The following TBC1D9 variants were observed in gnomAD, a reference collection of about 807,000 sequenced individuals.
The protein encoded by TBC1D9 is TBC1 domain family member 9A.
TBC1D9 carries 63 observed loss-of-function variants against 132.0 expected under a neutral mutation model. The observed-to-expected ratio is 0.48, with a 90% CI of 0.39 to 0.59. The LOEUF is 0.59. Ranked by LOEUF, TBC1D9 falls within the 20% of genes least tolerant of loss-of-function variation. TBC1D9 has a pLI of 0.00. For synonymous variants in TBC1D9, 610 were observed against 609.9 expected, an observed-to-expected ratio of 1.00 and a Z score of 0.00; for missense variants, 1,261 against 1,592.7, an observed-to-expected ratio of 0.79 and a Z score of 3.54.
intron 1 of TBC1D9, among the ~76,000 whole-genome samples, chr4:140,754,287 A>G (rs1396319182): frequency 6.6e-6 from 1 of 152,164 alleles, no homozygotes; most frequent in African/African-American, 2.4e-5. Flanking sequence ...TACTACAATA[A>G]ATTATCTACT....
chr4:140,629,086 G>A (rs1041088412), intron 16 of TBC1D9, among the ~76,000 whole-genome samples: 2 of 152,166 alleles, frequency 1.3e-5, no homozygotes, highest in African/African-American at 4.8e-5. Context: ...GGGACCTTAC[G>A]GGTTATCTTG....
intron 1 of TBC1D9, among the ~76,000 whole-genome samples, chr4:140,737,435 CTTCTCTCT>C (rs1364741066): frequency 1.3e-5 from 1 of 75,006 alleles, no homozygotes; most frequent in African/African-American, 6.5e-5. Flanking sequence ...TGCACCCTCC[CTTCTCTCT>C]CTCTCTCTCT....
Position 140,669,699 on chromosome 4 carries a change from T to C in TBC1D9, c.1372A>G (p.Thr458Ala). ...ATGGTCATCAGGGTCTGTGTGGCTG[T>C]GGGGACGCTGTTGCCATTTAGGTTA... ...QFNLNGNSVP[T>A]ATQTLMTMYR... Residue 458 changes from threonine to alanine, a missense_variant, in exon 8 of 21, where the codon ACA (threonine) becomes GCA (alanine). Physicochemically the swap from Thr to Ala is moderately conservative, Grantham distance 58. Transcript: ENST00000442267. 1 of 1,613,976 alleles carries C rather than the reference T, an allele frequency of 6.2e-7. No homozygotes were observed.
intron 2 of TBC1D9, among the ~76,000 whole-genome samples, chr4:140,687,760 T>C (rs1214329163): frequency 1.3e-5 from 2 of 152,032 alleles, no homozygotes; most frequent in Non-Finnish European, 2.9e-5. Context: ...AACATCAAAC[T>C]TGCCTACAAG....
At chr4:140,755,828 C>A (rs1739002990) in intron 1 of TBC1D9, 88 bp downstream of exon 1, 1 of 1,359,296 alleles carries the variant, frequency 7.4e-7, no homozygotes. Context: ...GGGGACCGGG[C>A]GGCGTCTCCC....
rs571400311 is a variant in TBC1D9, at chr4:140,644,144, G to A, written c.2338-4716C>T. Reference sequence around the variant, plus strand: ...CCACTGTGGGCTGCCCCAGGAAAGGGTAGGGCCTCCCGTAGTGTGGTGGCA... The same window carrying A: ...CCACTGTGGGCTGCCCCAGGAAAGGATAGGGCCTCCCGTAGTGTGGTGGCA... On this transcript the variant is annotated intron_variant, in intron 13 of 20. Transcript: ENST00000442267. 4.3e-4 allele frequency: 164 copies of A among 377,406 alleles called. 1 individual carries two copies. The highest frequency in any genetic ancestry group is 3.3e-3 in the African/African-American group (157 of 48,106). 23.4% of individuals were successfully genotyped at this position (377,406 alleles called of 1,614,324 possible).
At chr4:140,703,929 A>C (rs2111041664) in intron 1 of TBC1D9, among the ~76,000 whole-genome samples, 1 of 152,354 alleles carries the variant, frequency 6.6e-6, no homozygotes, top group Non-Finnish European at 1.5e-5. Context: ...CTTTTCACTT[A>C]TCTACAGATG....
intron 2 of TBC1D9, among the ~76,000 whole-genome samples, chr4:140,696,944 T>C (rs535366914): frequency 1.1e-4 from 17 of 152,298 alleles, no homozygotes; most frequent in African/African-American, 3.6e-4. Flanking sequence ...TTGTAGTTTA[T>C]GAAAAATAAC....
chr4:140,686,498 C>T, intron 2 of TBC1D9, 36 bp from the exon 3 acceptor site: 2 of 1,329,110 alleles, frequency 1.5e-6, no homozygotes, highest in Non-Finnish European at 2.1e-6. Flanking sequence ...TGTCAGATTT[C>T]ATGCCAAAGA....
At chr4:140,709,248 T>TCTCTCACACACACACACACA (rs1382500714) in intron 1 of TBC1D9, among the ~76,000 whole-genome samples, 1 of 104,148 alleles carries the variant, frequency 9.6e-6, no homozygotes, top group African/African-American at 4.4e-5. Flanking sequence ...TCTCTCTCTC[T>TCTCTCACACACACACACACA]CACACACACA....
intron 16 of TBC1D9, 74 bp downstream of exon 16, chr4:140,633,874 G>A: frequency 6.4e-7 from 1 of 1,558,528 alleles, no homozygotes; most frequent in Non-Finnish European, 8.7e-7. Flanking sequence ...CTGTAGCCCT[G>A]AGGGCAGCAT....
In TBC1D9 at chr4:140,678,848, C is replaced by G. The variant is rs578133038; in HGVS notation, c.851+94G>C. The G allele has an allele frequency of 3.3e-3, 4,787 of 1,434,620 alleles. 9 individuals are homozygous for G. The highest frequency in any genetic ancestry group is 4.1e-3 in the Non-Finnish European group (4,329 of 1,052,190). The allele number at this position is 1,434,620 out of a possible 1,614,324, so 88.9% of individuals were successfully genotyped here. A position where few individuals can be genotyped will look rare whatever the true frequency, so the allele number is the denominator to read the frequency against. On this transcript the variant is annotated intron_variant, in intron 5 of 20. Coordinates refer to ENST00000442267, the MANE Select transcript of TBC1D9 (RefSeq NM_015130.3). Reference sequence around the variant, plus strand: ...CTATACACAGAAGAGTGTTCAGAACCCTTGAAGATCGTCAGAGAAGGTTAC... The same window carrying G: ...CTATACACAGAAGAGTGTTCAGAACGCTTGAAGATCGTCAGAGAAGGTTAC...
At chr4:140,693,542 G>A (rs1013343119) in intron 2 of TBC1D9, among the ~76,000 whole-genome samples, 3 of 152,110 alleles carry the variant, frequency 2.0e-5, no homozygotes, top group Non-Finnish European at 4.4e-5. Flanking sequence ...TAACACACTG[G>A]TTTGTGCTAG....
intron 1 of TBC1D9, among the ~76,000 whole-genome samples, chr4:140,717,382 C>T (rs1222775866): frequency 6.6e-6 from 1 of 152,120 alleles, no homozygotes; most frequent in African/African-American, 2.4e-5. Flanking sequence ...TTCTTCTAAC[C>T]GTAGAGGCCT....
chr4:140,747,268 C>T (rs980362933), intron 1 of TBC1D9, among the ~76,000 whole-genome samples: 1 of 151,786 alleles, frequency 6.6e-6, no homozygotes, highest in Non-Finnish European at 1.5e-5. Context: ...AGGAGAATCG[C>T]TTGAACTCAG....
At chr4:140,703,640 T>A (rs1330288648) in intron 1 of TBC1D9, among the ~76,000 whole-genome samples, 1 of 152,152 alleles carries the variant, frequency 6.6e-6, no homozygotes, top group Non-Finnish European at 1.5e-5. Flanking sequence ...TTGTCCTTGG[T>A]CTTTGTCCAA....
At chr4:140,744,879 T>TAAAAAA (rs34469042) in intron 1 of TBC1D9, among the ~76,000 whole-genome samples, 1 of 107,516 alleles carries the variant, frequency 9.3e-6, no homozygotes, top group Non-Finnish European at 1.8e-5. Flanking sequence ...CAAGAGTGTT[T>TAAAAAA]AAAAAAAAAA....
intron 1 of TBC1D9, among the ~76,000 whole-genome samples, chr4:140,748,365 T>C (rs1424216210): frequency 6.6e-6 from 1 of 151,978 alleles, no homozygotes; most frequent in Non-Finnish European, 1.5e-5. Flanking sequence ...GAAGATACAA[T>C]GAGATGTCTA....
At chr4:140,629,801 G>A (rs941483989) in intron 16 of TBC1D9, among the ~76,000 whole-genome samples, 2 of 152,216 alleles carry the variant, frequency 1.3e-5, no homozygotes, top group African/African-American at 2.4e-5. Context: ...TGATCACATG[G>A]TTAACTAAAC....
Sources: allele counts gnomAD v4.1 joint callset (sites outside exome capture counted in the v4.1 genomes callset), GRCh38; gene constraint gnomAD v4.1.1; transcripts MANE v1.5; gene names NCBI Gene and HGNC (gene_info 2026-07-23, HGNC 2026-07-21).